The following ARID1B variants were observed in gnomAD, a reference collection of about 807,000 sequenced individuals.
The protein encoded by ARID1B is AT-rich interaction domain 1B.
ARID1B carries 30 observed loss-of-function variants against 212.3 expected under a neutral mutation model. The ratio of observed to expected loss-of-function variants is 0.14; its 90% CI spans 0.11 to 0.19. The LOEUF (loss-of-function observed/expected upper bound fraction) is 0.19, where lower values mean the gene tolerates loss of function less well. Among genes scored for constraint, ARID1B ranks in the 10% least tolerant of loss-of-function variants. The pLI is 1.00. For missense variants in ARID1B, 2,891 were observed against 3,204.0 expected, an observed-to-expected ratio of 0.90 and a Z score of 2.36; for synonymous variants, 1,402 against 1,301.7, an observed-to-expected ratio of 1.08 and a Z score of -1.66.
intron 3 of ARID1B, among the ~76,000 whole-genome samples, chr6:156,913,145 A>G (rs1268842598): frequency 2.6e-5 from 4 of 151,028 alleles, no homozygotes; most frequent in African/African-American, 9.7e-5. Flanking sequence ...GCTAATTAAC[A>G]TATACATTAC....
intron 4 of ARID1B, among the ~76,000 whole-genome samples, chr6:157,052,976 C>A (rs761333419): frequency 1.3e-5 from 2 of 152,132 alleles, no homozygotes; most frequent in Non-Finnish European, 2.9e-5. Context: ...TCTCAGCCTC[C>A]CAAAGTGCTG....
chr6:157,143,766 C>A (rs1281165000), intron 7 of ARID1B, among the ~76,000 whole-genome samples: 1 of 152,180 alleles, frequency 6.6e-6, no homozygotes, highest in Non-Finnish European at 1.5e-5. Context: ...CTATTTTTGT[C>A]CAGGCACGTG....
chr6:156,778,599 C>A lies in ARID1B; in HGVS notation c.919C>A (p.Pro307Thr). 7.8e-7 allele frequency: 1 copy of A among 1,275,276 alleles called. No homozygotes were observed. 79.0% of individuals were successfully genotyped at this position (1,275,276 alleles called of 1,614,324 possible). Residue 307 changes from proline to threonine, a missense_variant, in exon 1 of 20, where the codon CCG (proline) becomes ACG (threonine). By Grantham distance (38) the Pro-to-Thr change is conservative. Around this residue, in one of 7 missense-constraint regions of ARID1B, gnomAD observed 1,643 missense variants for 1,544.0 expected, o/e 1.06. Coordinates refer to ENST00000636930, the MANE Select transcript of ARID1B (RefSeq NM_001374828.1). ...CGCCGTGCCCGGGGGCGGCGGCGGC[C>A]CGGCGGCCGTCCCGGAGTTTAATAA... is the stretch of plus-strand genomic sequence containing the variant. Reference protein sequence around the residue: ...PVAVPGGGGGPAAVPEFNNYY... With the variant: ...PVAVPGGGGGTAAVPEFNNYY...
At chr6:156,799,996 C>G (rs368665266) in intron 1 of ARID1B, among the ~76,000 whole-genome samples, 2 of 152,312 alleles carry the variant, frequency 1.3e-5, no homozygotes, top group African/African-American at 2.4e-5. Context: ...CCCTCACCCC[C>G]ACCCCTGCCA....
intron 11 of ARID1B, among the ~76,000 whole-genome samples, chr6:157,177,757 TC>T (rs1792200823): frequency 6.6e-6 from 1 of 152,228 alleles, no homozygotes; most frequent in Non-Finnish European, 1.5e-5. Flanking sequence ...CATTCCTTTT[TC>T]TTGCCTCCAC....
intron 4 of ARID1B, among the ~76,000 whole-genome samples, chr6:157,079,047 G>A (rs545162921): frequency 1.7e-4 from 26 of 152,062 alleles, no homozygotes; most frequent in Middle Eastern, 3.4e-3. Context: ...AGCTGACCTC[G>A]TACATCTTAA....
At chr6:157,055,518 A>G (rs943581154) in intron 4 of ARID1B, among the ~76,000 whole-genome samples, 1 of 152,210 alleles carries the variant, frequency 6.6e-6, no homozygotes, top group African/African-American at 2.4e-5. Context: ...TGATTATAAT[A>G]TTCTTGATAA....
At chr6:157,127,789 A>AC (rs1393975619) in intron 6 of ARID1B, among the ~76,000 whole-genome samples, 211 of 119,950 alleles carry the variant, frequency 1.8e-3, no homozygotes, top group African/African-American at 7.0e-3. Context: ...GTCTCAAAAA[A>AC]AAAAAAAAAA....
chr6:157,032,209 A>AT (rs1339373833), intron 4 of ARID1B, among the ~76,000 whole-genome samples: 1 of 152,208 alleles, frequency 6.6e-6, no homozygotes, highest in East Asian at 1.9e-4. Context: ...AAAATGTCAA[A>AT]TTTTTTGTTT....
intron 4 of ARID1B, among the ~76,000 whole-genome samples, chr6:156,947,002 G>T (rs977478692): frequency 1.3e-5 from 2 of 152,134 alleles, no homozygotes; most frequent in African/African-American, 4.8e-5. Flanking sequence ...CTATAACTTT[G>T]CATTTCATTT....
chr6:157,021,826 C>T (rs1780308633), intron 4 of ARID1B, among the ~76,000 whole-genome samples: 1 of 152,076 alleles, frequency 6.6e-6, no homozygotes, highest in Non-Finnish European at 1.5e-5. Flanking sequence ...TACACATGAG[C>T]CGGCGCGGCC....
In ARID1B at chr6:157,041,850, T is replaced by A. The variant is rs75518801; in HGVS notation, c.2248-42812T>A. Among the ~76,000 whole-genome samples the A allele has an allele frequency of 3.3e-5, 5 of 152,142 alleles. No homozygotes were observed. In the East Asian group the frequency reaches 9.6e-4, roughly 29 times the overall value. ...CCATCTTCTTAGCCACCATCACCAC[T>A]GCCCCACTCAACTCCTCTTACTAAG... On this transcript the variant is annotated intron_variant, in intron 4 of 19. Coordinates refer to ENST00000636930, the MANE Select transcript of ARID1B (RefSeq NM_001374828.1).
intron 7 of ARID1B, among the ~76,000 whole-genome samples, chr6:157,147,918 C>T (rs1230148792): frequency 1.1e-5 from 1 of 92,016 alleles, no homozygotes; most frequent in Non-Finnish European, 2.2e-5. Flanking sequence ...CCTGCCCGCC[C>T]GCCCTCACCC....
intron 4 of ARID1B, among the ~76,000 whole-genome samples, chr6:157,005,356 A>G (rs1279518680): frequency 6.6e-6 from 1 of 152,014 alleles, no homozygotes; most frequent in African/African-American, 2.4e-5. Context: ...GGGTTTCACC[A>G]TATTGGCCGG....
Position 156,935,550 on chromosome 6 carries a change from C to A in ARID1B, c.2221C>A (p.Gln741Lys), listed in dbSNP as rs770455355. ...KPNHEDLNLI[Q>K]QERPSSLPDL... The stretch of plus-strand genomic sequence containing the variant: ...TAACCATGAAGACTTGAACTTAATA[C>A]AGCAAGAAAGACCATCAAGTTTACC... Residue 741 changes from glutamine (Q) to lysine (K), a missense_variant, in exon 4 of 20, where the codon CAG (glutamine) becomes AAG (lysine). Around this residue, in one of 7 missense-constraint regions of ARID1B, gnomAD observed 1,643 missense variants for 1,544.0 expected, o/e 1.06. Coordinates refer to ENST00000636930, the MANE Select transcript of ARID1B (RefSeq NM_001374828.1). The A allele has an allele frequency of 6.2e-7, 1 of 1,612,900 alleles. No homozygotes were observed.
chr6:157,022,620 A>G (rs1315811467), intron 4 of ARID1B: 3 of 152,224 alleles, frequency 2.0e-5, no homozygotes, highest in South Asian at 2.1e-4. Context: ...ATTAACCAAG[A>G]CATGCATTTA....
chr6:157,119,672 G>A (rs1364625031), intron 6 of ARID1B: 1 of 152,480 alleles, frequency 6.6e-6, no homozygotes, highest in African/African-American at 2.4e-5. Flanking sequence ...AGCATAACCA[G>A]TCACCGTGCT....
intron 1 of ARID1B, among the ~76,000 whole-genome samples, chr6:156,806,043 A>G (rs1017676891): frequency 1.3e-5 from 2 of 152,110 alleles, no homozygotes; most frequent in Non-Finnish European, 2.9e-5. Flanking sequence ...GCTCATTTCT[A>G]ATTTCCGTAT....
At chr6:156,953,297 T>C (rs1793719110) in intron 4 of ARID1B, among the ~76,000 whole-genome samples, 1 of 152,230 alleles carries the variant, frequency 6.6e-6, no homozygotes, top group Admixed American at 6.5e-5. Context: ...TGACTACTGG[T>C]GCTTAAAACG....
Sources: gnomAD v4.1 joint callset for allele counts (sites outside exome capture counted in the v4.1 genomes callset) on GRCh38, gnomAD v4.1.1 for gene constraint, gnomAD v4.1.1 regional missense constraint, MANE v1.5 for transcripts, NCBI Gene and HGNC (gene_info 2026-07-23, HGNC 2026-07-21) for gene names.